The following SEC62 variants were observed in gnomAD, a reference collection of about 807,000 sequenced individuals.
The protein encoded by SEC62 is translocation protein SEC62.
Under a neutral mutation model 47.5 loss-of-function variants are expected in SEC62, and 10 were observed. The ratio of observed to expected loss-of-function variants is 0.21; its 90% CI spans 0.13 to 0.36. The LOEUF (loss-of-function observed/expected upper bound fraction) is 0.36. SEC62 is among the 10% of genes least tolerant of loss of function. The pLI is 1.00. For synonymous variants in SEC62, 136 were observed against 150.5 expected (o/e 0.90, Z 0.71); for missense variants, 327 against 464.1 (o/e 0.70, Z 2.71).
chr3:169,990,994 AATC>A lies in SEC62; in HGVS notation c.731-1594_731-1592del, dbSNP rs571763259. On this transcript the variant is annotated intron_variant, in intron 7 of 7. Coordinates refer to ENST00000337002, the MANE Select transcript of SEC62 (RefSeq NM_003262.4). ...ATTGATTAGTCTGTAACATTCACATAATCATCATGACCTTTTAAAAAACAGGAA... is the reference window on the plus strand; with the variant it reads ...ATTGATTAGTCTGTAACATTCACATAATCATGACCTTTTAAAAAACAGGAA... Among the ~76,000 whole-genome samples the A allele has an allele frequency of 6.6e-5, 10 of 152,346 alleles. No homozygotes were observed. The East Asian group carries it at 1.7e-3, about 26-fold the overall frequency.
At position 169,967,806 on chromosome 3, in the gene SEC62, C is replaced by T. The variant is rs547504203; in HGVS notation, c.36+948C>T. Among the ~76,000 whole-genome samples the T allele has an allele frequency of 3.3e-5, 5 of 152,222 alleles. No homozygotes were observed. In the South Asian group the frequency reaches 8.3e-4, roughly 25 times the overall value. ...TTGTTACTATAATCATAAATTGTTA[C>T]ATTCATCATTGCCTTTCTGTTCCTT... On this transcript the variant is annotated intron_variant, in intron 1 of 7. Coordinates refer to ENST00000337002, the MANE Select transcript of SEC62 (RefSeq NM_003262.4).
chr3:169,969,255 A>AG, intron 1 of SEC62: 1 of 453,234 alleles, frequency 2.2e-6, no homozygotes, highest in South Asian at 1.6e-5. Context: ...TAAAAAAAAA[A>AG]GTAGCTAATT....
intron 6 of SEC62, among the ~76,000 whole-genome samples, chr3:169,987,508 C>G (rs1001868169): frequency 3.3e-5 from 5 of 152,156 alleles, no homozygotes; most frequent in Admixed American, 3.3e-4. Context: ...TTCATCCTCA[C>G]AACAACCTTT....
In SEC62 at chr3:169,985,836, T is replaced by G. The variant is rs754066230; in HGVS notation, c.581T>G (p.Phe194Cys). ...VYVWIYDPVHFKTFVMGLILV... is the reference protein window; with the variant it reads ...VYVWIYDPVHCKTFVMGLILV... ...GTATGGATCTATGACCCAGTTCACT[T>G]TAAAACATTTGTCATGGGATTAATT... Residue 194 changes from phenylalanine (F) to cysteine (C), a missense_variant, in exon 6 of 8, where the codon TTT (phenylalanine) becomes TGT (cysteine). Coordinates refer to ENST00000337002, the MANE Select transcript of SEC62 (RefSeq NM_003262.4). 1 of 1,612,550 alleles carries G rather than the reference T, an allele frequency of 6.2e-7. No homozygotes were observed. The highest frequency in any genetic ancestry group is 8.5e-7 in the Non-Finnish European group (1 of 1,179,222).
chr3:169,996,337 T>G lies in SEC62; in HGVS notation c.*3274T>G, dbSNP rs1715374933. ...TAATTCCTCCTAATTGTGTGGTAAT[T>G]TGCTTTTACTGTTTCCACAGTATTT... On this transcript the variant is annotated 3_prime_UTR_variant, in exon 8 of 8. Coordinates refer to ENST00000337002, the MANE Select transcript of SEC62 (RefSeq NM_003262.4). The G allele has an allele frequency of 6.5e-6, 1 of 152,676 alleles. No individual in the cohort carries two copies. The highest frequency in any genetic ancestry group is 2.4e-5 in the African/African-American group (1 of 41,460). 9.5% of individuals were successfully genotyped at this position (152,676 alleles called of 1,614,324 possible).
At chr3:169,986,546 A>G (rs1309115218) in intron 6 of SEC62, among the ~76,000 whole-genome samples, 4 of 152,140 alleles carry the variant, frequency 2.6e-5, no homozygotes, top group Non-Finnish European at 4.4e-5. Context: ...AATAGATAAA[A>G]AAAGAAAAGA....
In SEC62 at chr3:169,989,392, G is replaced by A. The variant is rs371225224; in HGVS notation, c.730+1033G>A. 2.4e-4 allele frequency among the ~76,000 whole-genome samples: 19 copies of A among 77,652 alleles called. No homozygotes were observed. The East Asian group carries it at 6.8e-3, about 28-fold the overall frequency. The allele number at this position is 77,652 out of a possible 152,430, so 50.9% of individuals were successfully genotyped here. A position where few individuals can be genotyped will look rare whatever the true frequency, so the allele number is the denominator to read the frequency against. ...CCACCACGCCCAGCCTCCTTCCTCT[G>A]ATTTGGTAACCTCTGGCAGCAGAAA... On this transcript the variant is annotated intron_variant, in intron 7 of 7. Transcript: ENST00000337002.
At position 169,996,749 on chromosome 3, in the gene SEC62, A is replaced by G. The variant is rs1006545913; in HGVS notation, c.*3686A>G. On this transcript the variant is annotated 3_prime_UTR_variant, in exon 8 of 8. Transcript: ENST00000337002. ...CTCCTTCCCTGCTTTCCAGGTTGCC[A>G]GTCCCTGCACTCTTCCTTTCTGGCC... The G allele has an allele frequency of 6.6e-6, 1 of 152,336 alleles. No homozygotes were observed. Among genetic ancestry groups the G allele is most frequent in the Non-Finnish European group, 1.5e-5 (1 of 68,160 alleles). The allele number at this position is 152,336 out of a possible 1,614,324, so 9.4% of individuals were successfully genotyped here.
rs117695635 is a variant in SEC62 at position 169,975,987 on chromosome 3, G to A, written c.145+271G>A. ...ACTACCTTTTGTTTAGATAGTATGC[G>A]TACTTGGAACTAAGAGCACTGGCTT... On this transcript the variant is annotated intron_variant, in intron 2 of 7. Coordinates refer to ENST00000337002, the MANE Select transcript of SEC62 (RefSeq NM_003262.4). Among the ~76,000 whole-genome samples, 67 of 152,218 alleles carry A rather than the reference G, an allele frequency of 4.4e-4. No homozygotes were observed. The East Asian group carries it at 0.012, about 27-fold the overall frequency.
intron 2 of SEC62, 29 bp from the exon 3 acceptor site, chr3:169,976,917 A>G: frequency 1.3e-6 from 2 of 1,503,856 alleles, no homozygotes; most frequent in Non-Finnish European, 1.8e-6. Context: ...CATGTATGCT[A>G]AATTTAAAAT....
At chr3:169,978,055 G>A (rs1456381458) in intron 3 of SEC62, among the ~76,000 whole-genome samples, 4 of 152,116 alleles carry the variant, frequency 2.6e-5, no homozygotes, top group African/African-American at 7.2e-5. Flanking sequence ...CGAGGCAGGT[G>A]GATCACAAGG....
chr3:169,972,580 C>CTTTTTTTTT (rs11391826), intron 1 of SEC62, among the ~76,000 whole-genome samples: 2 of 114,960 alleles, frequency 1.7e-5, no homozygotes, highest in Admixed American at 9.5e-5. Flanking sequence ...CTTTTTCTAT[C>CTTTTTTTTT]TTTTTTTTTT....
At chr3:169,971,346 A>G (rs1427930873) in intron 1 of SEC62, among the ~76,000 whole-genome samples, 1 of 152,166 alleles carries the variant, frequency 6.6e-6, no homozygotes, top group Non-Finnish European at 1.5e-5. Flanking sequence ...GGTGGGGATT[A>G]CAGGGATGAG....
At chr3:169,978,753 C>T (rs1288447287) in intron 3 of SEC62, among the ~76,000 whole-genome samples, 1 of 152,062 alleles carries the variant, frequency 6.6e-6, no homozygotes, top group African/African-American at 2.4e-5. Flanking sequence ...TACAAACTTC[C>T]TTACCTGCCA....
chr3:169,986,123 A>G (rs1330626647), intron 6 of SEC62, among the ~76,000 whole-genome samples: 1 of 152,210 alleles, frequency 6.6e-6, no homozygotes, highest in African/African-American at 2.4e-5. Flanking sequence ...ACCAATCATC[A>G]TGAGTGATAC....
chr3:169,985,717 C>A, intron 5 of SEC62, 88 bp from the exon 6 acceptor site: 2 of 1,005,222 alleles, frequency 2.0e-6, no homozygotes, highest in Non-Finnish European at 1.5e-6. Context: ...TTGATGACTG[C>A]TTTAAGGGAC....
intron 6 of SEC62, 53 bp downstream of exon 6, chr3:169,985,918 A>T: frequency 1.6e-6 from 2 of 1,231,014 alleles, no homozygotes; most frequent in Non-Finnish European, 2.4e-6. Flanking sequence ...TTTAGAAAAC[A>T]ATATGCAGAT....
intron 3 of SEC62, among the ~76,000 whole-genome samples, chr3:169,977,998 G>A (rs1220579022): frequency 3.9e-5 from 6 of 152,178 alleles, no homozygotes; most frequent in East Asian, 3.9e-4. Context: ...AGTAGGTTTC[G>A]GCCAGGCACA....
chr3:169,996,232 A>G lies in SEC62; in HGVS notation c.*3169A>G, dbSNP rs1054840188. ...TATTTTAAAGCTGTGACATTTATCT[A>G]CCTGGTTTATGGAATAGAATTTATT... On this transcript the variant is annotated 3_prime_UTR_variant, in exon 8 of 8. Transcript: ENST00000337002. The G allele has an allele frequency of 6.5e-6, 1 of 152,682 alleles. No individual in the cohort carries two copies. Among genetic ancestry groups the G allele is most frequent in the Admixed American group, 6.5e-5 (1 of 15,286 alleles). The allele number at this position is 152,682 out of a possible 1,614,324, so 9.5% of individuals were successfully genotyped here.
Sources: gnomAD v4.1 joint callset for allele counts (sites outside exome capture counted in the v4.1 genomes callset) on GRCh38, gnomAD v4.1.1 for gene constraint, MANE v1.5 for transcripts, NCBI Gene and HGNC (gene_info 2026-07-23, HGNC 2026-07-21) for gene names.